The following ITGA9 variants were observed in gnomAD, a reference collection of about 807,000 sequenced individuals.
ITGA9 encodes the protein integrin subunit alpha 9.
Under a neutral mutation model 127.8 loss-of-function variants are expected in ITGA9, and 56 were observed. The observed-to-expected ratio is 0.44, with a 90% CI of 0.35 to 0.55. The LOEUF (loss-of-function observed/expected upper bound fraction) is 0.55. ITGA9 is among the 20% of genes least tolerant of loss of function. ITGA9 has a pLI of 0.00. For missense variants in ITGA9, 1,196 were observed against 1,347.1 expected, an observed-to-expected ratio of 0.89 and a Z score of 1.76; for synonymous variants, 508 against 514.5, an observed-to-expected ratio of 0.99 and a Z score of 0.17.
intron 23 of ITGA9, among the ~76,000 whole-genome samples, chr3:37,774,319 G>T (rs116342018): frequency 4.6e-5 from 7 of 152,132 alleles, no homozygotes; most frequent in East Asian, 1.9e-4. Flanking sequence ...TTTCCCTCTC[G>T]TGACCTCTAA....
At chr3:37,797,603 T>C (rs556377069) in intron 26 of ITGA9, among the ~76,000 whole-genome samples, 6 of 152,198 alleles carry the variant, frequency 3.9e-5, no homozygotes, top group African/African-American at 9.6e-5. Flanking sequence ...ATTTAAAAAA[T>C]AGTAAAACGT....
intron 1 of ITGA9, among the ~76,000 whole-genome samples, chr3:37,457,875 C>T (rs1307357566): frequency 1.3e-5 from 2 of 152,212 alleles, no homozygotes; most frequent in Non-Finnish European, 2.9e-5. Flanking sequence ...ACAGTCTTGT[C>T]TCAACCAGTC....
chr3:37,756,228 T>C (rs1260388720), intron 23 of ITGA9, among the ~76,000 whole-genome samples: 1 of 150,786 alleles, frequency 6.6e-6, no homozygotes, highest in Non-Finnish European at 1.5e-5. Context: ...TGAAGTATAA[T>C]TAAAGCCCAA....
At chr3:37,641,203 G>A (rs1241192578) in intron 16 of ITGA9, among the ~76,000 whole-genome samples, 1 of 152,142 alleles carries the variant, frequency 6.6e-6, no homozygotes, top group Non-Finnish European at 1.5e-5. Context: ...CCGCCTGAGC[G>A]CCCCTCCTGT....
At chr3:37,801,623 A>G (rs1436670390) in intron 26 of ITGA9, among the ~76,000 whole-genome samples, 1 of 152,138 alleles carries the variant, frequency 6.6e-6, no homozygotes, top group Non-Finnish European at 1.5e-5. Context: ...TGACAGAGAG[A>G]AACTCTGTCT....
intron 15 of ITGA9, among the ~76,000 whole-genome samples, chr3:37,599,769 A>G (rs1476603634): frequency 1.3e-5 from 2 of 152,374 alleles, no homozygotes; most frequent in Non-Finnish European, 2.9e-5. Context: ...GTAAATGCAC[A>G]TGTACCTAAT....
At chr3:37,603,740 A>C (rs7374258) in intron 15 of ITGA9, among the ~76,000 whole-genome samples, 80,355 of 152,052 alleles carry the variant, frequency 0.53, 21,790 homozygotes, top group East Asian at 0.61. Flanking sequence ...ATGAGATGTA[A>C]CTCCTTTCAC....
intron 15 of ITGA9, among the ~76,000 whole-genome samples, chr3:37,554,940 G>A (rs1325869527): frequency 1.3e-5 from 2 of 152,152 alleles, no homozygotes; most frequent in Non-Finnish European, 2.9e-5. Context: ...TGAGTAAGAA[G>A]TATCAATTTG....
intron 4 of ITGA9, among the ~76,000 whole-genome samples, chr3:37,482,672 G>A (rs1475527899): frequency 6.6e-6 from 1 of 152,118 alleles, no homozygotes; most frequent in Non-Finnish European, 1.5e-5. Context: ...TGGACACTGG[G>A]ACCCTTCTGG....
intron 17 of ITGA9, among the ~76,000 whole-genome samples, chr3:37,669,559 C>T (rs552359269): frequency 6.6e-6 from 1 of 152,144 alleles, no homozygotes; most frequent in Non-Finnish European, 1.5e-5. Context: ...GATCTCCTGT[C>T]CGGGCAGGCT....
chr3:37,729,707 T>C (rs966378346), intron 18 of ITGA9, among the ~76,000 whole-genome samples: 5 of 144,292 alleles, frequency 3.5e-5, no homozygotes, highest in African/African-American at 1.0e-4. Flanking sequence ...TTTCTTTTTT[T>C]TTTTTTTTTT....
intron 15 of ITGA9, among the ~76,000 whole-genome samples, chr3:37,568,804 C>G (rs374075867): frequency 6.6e-6 from 1 of 152,244 alleles, no homozygotes; most frequent in Non-Finnish European, 1.5e-5. Context: ...CTATTATTAT[C>G]AGCATTTTGG....
At position 37,503,647 on chromosome 3, in the gene ITGA9, C is replaced by T. The variant is rs556845695; in HGVS notation, c.742+340C>T. Among the ~76,000 whole-genome samples, 7 of 152,300 alleles carry T rather than the reference C, an allele frequency of 4.6e-5. No individual in the cohort carries two copies. The East Asian group carries it at 1.2e-3, about 25-fold the overall frequency. ...AGTGTGATGGAGTCTTGATTTTCCA[C>T]GGGCGTCCCTTTGGATGGAGTCCTT... On this transcript the variant is annotated intron_variant, in intron 6 of 27. Transcript: ENST00000264741.
At chr3:37,479,992 CTG>C (rs1698535660) in intron 3 of ITGA9, among the ~76,000 whole-genome samples, 1 of 152,140 alleles carries the variant, frequency 6.6e-6, no homozygotes, top group Admixed American at 6.5e-5. Flanking sequence ...ATGTTAAAAA[CTG>C]ATTATTTTCA....
intron 19 of ITGA9, among the ~76,000 whole-genome samples, chr3:37,736,235 C>CG (rs1392604408): frequency 1.3e-5 from 2 of 152,092 alleles, no homozygotes; most frequent in East Asian, 1.9e-4. Context: ...TGAGGAGTGG[C>CG]GGGGGGACAC....
At chr3:37,727,101 G>A (rs961173365) in intron 18 of ITGA9, among the ~76,000 whole-genome samples, 3 of 152,172 alleles carry the variant, frequency 2.0e-5, no homozygotes, top group Admixed American at 6.5e-5. Context: ...ATAGAGTATC[G>A]ATTGTTTACC....
intron 17 of ITGA9, among the ~76,000 whole-genome samples, chr3:37,679,204 A>G (rs1188609010): frequency 6.6e-6 from 1 of 152,036 alleles, no homozygotes; most frequent in Non-Finnish European, 1.5e-5. Context: ...AGACTGCACA[A>G]GCAAATTAAA....
intron 15 of ITGA9, among the ~76,000 whole-genome samples, chr3:37,562,564 C>G (rs185119569): frequency 2.6e-5 from 4 of 152,186 alleles, no homozygotes; most frequent in Admixed American, 6.5e-5. Flanking sequence ...GCCCACGGCA[C>G]GGAGGTTCAG....
intron 18 of ITGA9, among the ~76,000 whole-genome samples, chr3:37,708,859 G>A (rs1050557389): frequency 2.0e-5 from 3 of 152,202 alleles, no homozygotes; most frequent in Non-Finnish European, 4.4e-5. Context: ...GTATGAATAC[G>A]TCAAGCCACT....
Sources: allele counts gnomAD v4.1 joint callset (sites outside exome capture counted in the v4.1 genomes callset), GRCh38; gene constraint gnomAD v4.1.1; transcripts MANE v1.5; gene names NCBI Gene and HGNC (gene_info 2026-07-23, HGNC 2026-07-21).